PSPC1: variants seen among roughly 807,000 people sequenced by gnomAD.
The protein encoded by PSPC1 is paraspeckle component 1, also known as paraspeckle protein 1.
Under a neutral mutation model 51.6 loss-of-function variants are expected in PSPC1, and 14 were observed. The observed-to-expected ratio is 0.27, with a 90% CI of 0.18 to 0.42. The LOEUF is 0.42. Ranked by LOEUF, PSPC1 falls within the 10% of genes least tolerant of loss-of-function variation. The pLI, the probability that PSPC1 is intolerant of heterozygous loss-of-function variation, is 1.00. For missense variants in PSPC1, 406 were observed against 701.1 expected (o/e 0.58, Z 4.75); for synonymous variants, 193 against 231.9 (o/e 0.83, Z 1.53).
intron 6 of PSPC1, among the ~76,000 whole-genome samples, chr13:19,718,442 A>G (rs1408272810): frequency 1.3e-5 from 2 of 152,178 alleles, no homozygotes; most frequent in Non-Finnish European, 2.9e-5. Context: ...GCACTACAAA[A>G]CCTACTAGAA....
At chr13:19,695,821 T>C (rs1277378996) in intron 6 of PSPC1, among the ~76,000 whole-genome samples, 2 of 152,136 alleles carry the variant, frequency 1.3e-5, no homozygotes, top group Non-Finnish European at 2.9e-5. Context: ...AAAATAATCA[T>C]TTCTTGACTG....
chr13:19,727,084 T>G (rs1311087143), intron 6 of PSPC1, among the ~76,000 whole-genome samples: 1 of 152,200 alleles, frequency 6.6e-6, no homozygotes, highest in Non-Finnish European at 1.5e-5. Flanking sequence ...AACATTAATA[T>G]GTACCATACA....
chr13:19,674,361 T>G (rs893378967), downstream of PSPC1, among the ~76,000 whole-genome samples: 3 of 152,216 alleles, frequency 2.0e-5, no homozygotes, highest in African/African-American at 7.2e-5. Flanking sequence ...TTATACACTA[T>G]CCTCGCAAGT....
intron 6 of PSPC1, among the ~76,000 whole-genome samples, chr13:19,685,867 T>C (rs1193566961): frequency 6.6e-6 from 1 of 152,162 alleles, no homozygotes; most frequent in East Asian, 1.9e-4. Flanking sequence ...CAGCTGTGGG[T>C]TCCACAGACA....
intron 6 of PSPC1, among the ~76,000 whole-genome samples, chr13:19,690,293 T>C (rs924580492): frequency 6.6e-6 from 1 of 152,210 alleles, no homozygotes; most frequent in African/African-American, 2.4e-5. Flanking sequence ...GAAGTATATA[T>C]AGTGATCACC....
chr13:19,701,537 T>A (rs1352870402), downstream of PSPC1, among the ~76,000 whole-genome samples: 1 of 152,196 alleles, frequency 6.6e-6, no homozygotes, highest in Non-Finnish European at 1.5e-5. Flanking sequence ...AGCCTATGAA[T>A]ACCACAAATT....
At position 19,782,464 on chromosome 13, in the gene PSPC1, G is replaced by T; in HGVS notation, c.294C>A (p.Phe98Leu). 1 of 1,612,202 alleles carries T rather than the reference G, an allele frequency of 6.2e-7. No individual in the cohort carries two copies. Among genetic ancestry groups the T allele is most frequent in the Non-Finnish European group, 8.5e-7 (1 of 1,179,186 alleles). ...NLPTDITEED[F>L]KRLFERYGEP... ...CGCCATAGCGTTCGAAGAGCCTCTT[G>T]AAGTCCTCCTCCGTGATGTCGGTGG... is the stretch of plus-strand genomic sequence containing the variant. Residue 98 changes from phenylalanine (F) to leucine (L), a missense_variant, in exon 1 of 9, where the codon TTC becomes TTA. Physicochemically the swap from Phe to Leu is conservative, Grantham distance 22. This residue lies in a region of PSPC1 where 180 missense variants were observed against 337.9 expected (regional missense o/e 0.53). Coordinates refer to ENST00000338910, the MANE Select transcript of PSPC1 (RefSeq NM_001354909.2). The surrounding 1 kb of genome is among the most constrained non-coding windows in gnomAD (Gnocchi z 4.5).
At chr13:19,691,527 A>C (rs909599215) in intron 6 of PSPC1, among the ~76,000 whole-genome samples, 21 of 152,134 alleles carry the variant, frequency 1.4e-4, no homozygotes, top group African/African-American at 5.1e-4. Context: ...GTCTCGAAAA[A>C]AGACAAAGTA....
rs955850655 is a variant in PSPC1, at chr13:19,751,216, C to T, written c.967+55G>A. On this transcript the variant is annotated intron_variant, in intron 4 of 8. Coordinates refer to ENST00000338910, the MANE Select transcript of PSPC1 (RefSeq NM_001354909.2). Reference sequence around the variant, plus strand: ...TACACAGTAGTACATGAATGGTACACACACTTAAGGGAAAAAAAAAATCAT... The same window carrying T: ...TACACAGTAGTACATGAATGGTACATACACTTAAGGGAAAAAAAAAATCAT... 8 of 1,425,742 alleles carry T rather than the reference C, an allele frequency of 5.6e-6. No individual in the cohort carries two copies. In the Admixed American group the frequency reaches 1.8e-4, roughly 32 times the overall value. The allele number at this position is 1,425,742 out of a possible 1,614,324, so 88.3% of individuals were successfully genotyped here.
intron 6 of PSPC1, among the ~76,000 whole-genome samples, chr13:19,724,764 C>T (rs1294472495): frequency 6.6e-6 from 1 of 152,088 alleles, no homozygotes; most frequent in Admixed American, 6.5e-5. Context: ...CTTTGGGAGG[C>T]CGAGCGGGCG....
chr13:19,700,613 A>G (rs1220802635), downstream of PSPC1, among the ~76,000 whole-genome samples: 1 of 152,142 alleles, frequency 6.6e-6, no homozygotes, highest in Non-Finnish European at 1.5e-5. Flanking sequence ...GTACTAGAAT[A>G]AAACTATTAG....
At chr13:19,712,946 C>T (rs1881618972) in intron 6 of PSPC1, among the ~76,000 whole-genome samples, 1 of 152,076 alleles carries the variant, frequency 6.6e-6, no homozygotes, top group Admixed American at 6.6e-5. Context: ...AAAACCACCG[C>T]TACAAACTTC....
rs899449788 is a variant in PSPC1 at position 19,734,000 on chromosome 13, A to G, written c.1053-3656T>C. Among the ~76,000 whole-genome samples the G allele has an allele frequency of 2.0e-5, 3 of 152,094 alleles. No individual in the cohort carries two copies. In the East Asian group the frequency reaches 5.8e-4, roughly 29 times the overall value. On this transcript the variant is annotated intron_variant, in intron 5 of 8. Coordinates refer to ENST00000338910, the MANE Select transcript of PSPC1 (RefSeq NM_001354909.2). ...TTAAAACCATAGAAGAGGGTATGAA[A>G]AAGTTTATATACCACATTGGAAATG...
Position 19,722,592 on chromosome 13 carries a change from G to A in PSPC1, c.1158+7647C>T, listed in dbSNP as rs144978642. ...GTGGATCACCTGAGGACAGGGGTTC[G>A]AGACCAGCCTGGCCAACACGGTGAA... is the stretch of plus-strand genomic sequence containing the variant. On this transcript the variant is annotated intron_variant, in intron 6 of 8. Coordinates refer to ENST00000338910, the MANE Select transcript of PSPC1 (RefSeq NM_001354909.2). Among the ~76,000 whole-genome samples the A allele has an allele frequency of 9.0e-3, 1,374 of 152,040 alleles. 28 individuals are homozygous for A. Among genetic ancestry groups the A allele is most frequent in the African/African-American group, 0.031 (1,270 of 41,464 alleles).
chr13:19,737,897 G>GCTGGTAT (rs1201945584), intron 5 of PSPC1, among the ~76,000 whole-genome samples: 2 of 151,968 alleles, frequency 1.3e-5, no homozygotes, highest in Non-Finnish European at 2.9e-5. Flanking sequence ...ACCAGCCTAA[G>GCTGGTAT]CAACATAGCA....
At chr13:19,776,864 G>T (rs1025997988) in intron 1 of PSPC1, among the ~76,000 whole-genome samples, 5 of 150,354 alleles carry the variant, frequency 3.3e-5, no homozygotes, top group Non-Finnish European at 5.9e-5. Flanking sequence ...GGTGGCTCAT[G>T]CCTGTAATCC....
At chr13:19,752,535 A>G (rs1886660129) in intron 3 of PSPC1, among the ~76,000 whole-genome samples, 1 of 152,072 alleles carries the variant, frequency 6.6e-6, no homozygotes, top group African/African-American at 2.4e-5. Flanking sequence ...AATTACAGGT[A>G]CAAGACACCA....
chr13:19,754,350 T>C (rs1886861781), intron 3 of PSPC1, among the ~76,000 whole-genome samples: 1 of 151,800 alleles, frequency 6.6e-6, no homozygotes, highest in African/African-American at 2.4e-5. Flanking sequence ...CCTCCCAAAG[T>C]GCAGGGATTA....
At chr13:19,708,588 T>A (rs925823547) in intron 7 of PSPC1, among the ~76,000 whole-genome samples, 4 of 152,238 alleles carry the variant, frequency 2.6e-5, no homozygotes, top group African/African-American at 9.6e-5. Context: ...AAATCCATAC[T>A]AAAGTTGCTA....
Sources: gnomAD v4.1 joint callset for allele counts (sites outside exome capture counted in the v4.1 genomes callset) on GRCh38, gnomAD v4.1.1 for gene constraint, gnomAD v4.1.1 regional missense constraint, Gnocchi (gnomAD v3.1) non-coding constraint, MANE v1.5 for transcripts, NCBI Gene and HGNC (gene_info 2026-07-23, HGNC 2026-07-21) for gene names.